IQCM: variants seen among roughly 807,000 people sequenced by gnomAD.
The protein encoded by IQCM is IQ motif containing M, also known as IQ domain-containing protein M.
In IQCM, 45 loss-of-function variants were observed where a neutral mutation model predicts 57.6. That is an observed-to-expected ratio of 0.78 (90% CI 0.62 to 1.00). The LOEUF is 1.00. Ranked by LOEUF, IQCM falls within the 50% of genes least tolerant of loss-of-function variation. The probability of loss-of-function intolerance (pLI) is 0.00; values close to 1 mark genes in which losing one functional copy is unlikely to be tolerated. For synonymous variants in IQCM, 148 were observed against 158.9 expected (o/e 0.93, Z 0.51); for missense variants, 468 against 511.6 (o/e 0.91, Z 0.82).
chr4:149,386,907 T>C (rs1211439138), intron 13 of IQCM, among the ~76,000 whole-genome samples: 2 of 152,048 alleles, frequency 1.3e-5, no homozygotes, highest in Non-Finnish European at 2.9e-5. Flanking sequence ...TTTAATATCT[T>C]TTTGTATCTC....
chr4:149,720,006 T>C (rs984126645), intron 5 of IQCM, among the ~76,000 whole-genome samples: 10 of 152,188 alleles, frequency 6.6e-5, no homozygotes, highest in African/African-American at 2.4e-4. Flanking sequence ...CTCATTTCAC[T>C]TCCTCAGAAG....
At chr4:149,452,894 TAA>T (rs879681969) in intron 12 of IQCM, among the ~76,000 whole-genome samples, 2 of 143,144 alleles carry the variant, frequency 1.4e-5, no homozygotes, top group East Asian at 4.0e-4. Flanking sequence ...AAGAGTGGTT[TAA>T]AAAAAAAAAG....
At chr4:149,592,618 T>C (rs1753311711) in intron 8 of IQCM, among the ~76,000 whole-genome samples, 1 of 151,732 alleles carries the variant, frequency 6.6e-6, no homozygotes, top group South Asian at 2.1e-4. Flanking sequence ...TTAATCCATC[T>C]TGAATTAATT....
At chr4:149,794,679 T>G (rs1458568910) in intron 2 of IQCM, among the ~76,000 whole-genome samples, 2 of 152,040 alleles carry the variant, frequency 1.3e-5, no homozygotes, top group African/African-American at 2.4e-5. Flanking sequence ...GGTGGAGTGA[T>G]TAGAAAATAG....
At chr4:149,697,671 CT>C in intron 5 of IQCM, among the ~76,000 whole-genome samples, 1 of 152,138 alleles carries the variant, frequency 6.6e-6, no homozygotes, top group East Asian at 1.9e-4. Context: ...AAATTTGTCC[CT>C]ATGGTTAGTC....
At chr4:149,514,090 G>GT (rs1030326560) in intron 12 of IQCM, among the ~76,000 whole-genome samples, 1 of 151,586 alleles carries the variant, frequency 6.6e-6, no homozygotes, top group Non-Finnish European at 1.5e-5. Context: ...AGAGAAGAAT[G>GT]TAAAAAAAAA....
At chr4:149,682,603 C>T (rs1389933528) in intron 6 of IQCM, among the ~76,000 whole-genome samples, 1 of 149,372 alleles carries the variant, frequency 6.7e-6, no homozygotes, top group Admixed American at 6.8e-5. Context: ...CACATAGAAA[C>T]TTTGGAAAAT....
intron 12 of IQCM, among the ~76,000 whole-genome samples, chr4:149,524,040 A>G (rs954501111): frequency 6.6e-6 from 1 of 152,162 alleles, no homozygotes; most frequent in African/African-American, 2.4e-5. Flanking sequence ...AATTTATGAT[A>G]GATAAATTCA....
At chr4:149,400,796 G>A (rs1286393340) in intron 13 of IQCM, among the ~76,000 whole-genome samples, 1 of 151,794 alleles carries the variant, frequency 6.6e-6, no homozygotes, top group Non-Finnish European at 1.5e-5. Context: ...TGATGGTGAA[G>A]GAAAGAAGCA....
At chr4:149,596,691 A>T (rs995010753) in intron 8 of IQCM, among the ~76,000 whole-genome samples, 1 of 152,114 alleles carries the variant, frequency 6.6e-6, no homozygotes, top group Non-Finnish European at 1.5e-5. Flanking sequence ...TTTTCTAGGA[A>T]TTTCTAATGA....
chr4:149,385,187 T>C (rs576798559), intron 13 of IQCM, among the ~76,000 whole-genome samples: 12 of 152,122 alleles, frequency 7.9e-5, no homozygotes, highest in Non-Finnish European at 1.2e-4. Flanking sequence ...TCTGCCTCCA[T>C]ATTCATACTA....
chr4:149,567,835 T>C (rs1750778108), intron 9 of IQCM, among the ~76,000 whole-genome samples: 1 of 152,142 alleles, frequency 6.6e-6, no homozygotes, highest in African/African-American at 2.4e-5. Context: ...ACAATTTTAT[T>C]TTTTTAAAGC....
At chr4:149,660,688 T>C (rs2150153477) in intron 7 of IQCM, among the ~76,000 whole-genome samples, 1 of 152,188 alleles carries the variant, frequency 6.6e-6, no homozygotes, top group South Asian at 2.1e-4. Flanking sequence ...TGTAGGGACA[T>C]GGATGAAATT....
At chr4:149,465,036 T>C (rs1738698445) in intron 12 of IQCM, among the ~76,000 whole-genome samples, 1 of 152,164 alleles carries the variant, frequency 6.6e-6, no homozygotes, top group African/African-American at 2.4e-5. Context: ...GCCTTCATTT[T>C]ATTTTCATTG....
chr4:149,426,451 C>T (rs925053331), intron 13 of IQCM, among the ~76,000 whole-genome samples: 1 of 151,930 alleles, frequency 6.6e-6, no homozygotes, highest in African/African-American at 2.4e-5. Flanking sequence ...AACAAATTAC[C>T]CCCAAACTAG....
intron 7 of IQCM, among the ~76,000 whole-genome samples, chr4:149,634,142 T>A (rs1198076151): frequency 6.6e-6 from 1 of 152,098 alleles, no homozygotes; most frequent in Non-Finnish European, 1.5e-5. Flanking sequence ...CCTGAGTAGC[T>A]GGAATTATAG....
rs1209468440 is a variant in IQCM, at chr4:149,729,270, G to A, written c.385+3974C>T. 5.3e-5 allele frequency among the ~76,000 whole-genome samples: 8 copies of A among 152,218 alleles called. No homozygotes were observed. The South Asian group carries it at 1.2e-3, about 24-fold the overall frequency. On this transcript the variant is annotated intron_variant, in intron 5 of 13. Transcript: ENST00000636793. ...ACACATCTTGCTATTACCCTCCTTG[G>A]AGGTTGTACGGCTTGTGTCAACCAC...
intron 12 of IQCM, among the ~76,000 whole-genome samples, chr4:149,518,404 T>A (rs1436541749): frequency 1.3e-5 from 2 of 152,174 alleles, no homozygotes; most frequent in African/African-American, 4.8e-5. Context: ...AGTTTATTCC[T>A]TTGAGTTAAG....
chr4:149,471,187 T>C (rs1474123311), intron 12 of IQCM, among the ~76,000 whole-genome samples: 1 of 152,126 alleles, frequency 6.6e-6, no homozygotes, highest in African/African-American at 2.4e-5. Context: ...GGAGCTGGTT[T>C]TTTGAAAAGA....
Sources: gnomAD v4.1 joint callset for allele counts (sites outside exome capture counted in the v4.1 genomes callset) on GRCh38, gnomAD v4.1.1 for gene constraint, MANE v1.5 for transcripts, NCBI Gene and HGNC (gene_info 2026-07-23, HGNC 2026-07-21) for gene names.